RALGPS1: variants seen among roughly 807,000 people sequenced by gnomAD.
The protein encoded by RALGPS1 is ras-specific guanine nucleotide-releasing factor RalGPS1.
RALGPS1 carries 19 observed loss-of-function variants against 78.8 expected under a neutral mutation model. The observed-to-expected ratio is 0.24, with a 90% confidence interval of 0.17 to 0.35. The LOEUF (loss-of-function observed/expected upper bound fraction) is 0.35, where lower values mean the gene tolerates loss of function less well. RALGPS1 is among the 10% of genes least tolerant of loss of function. RALGPS1 has a pLI of 1.00. For missense variants in RALGPS1, 454 were observed against 688.3 expected (o/e 0.66, Z 3.81); for synonymous variants, 228 against 256.3 (o/e 0.89, Z 1.06).
At chr9:127,064,033 TA>T (rs2049455274) in intron 7 of RALGPS1, among the ~76,000 whole-genome samples, 1 of 152,208 alleles carries the variant, frequency 6.6e-6, no homozygotes, top group Admixed American at 6.5e-5. Flanking sequence ...CTGGAGTCCA[TA>T]ATTTGTTGAG....
intron 1 of RALGPS1, among the ~76,000 whole-genome samples, chr9:126,956,460 G>A (rs113135752): frequency 3.3e-5 from 5 of 152,256 alleles, no homozygotes; most frequent in African/African-American, 7.2e-5. Context: ...CATTTTTGTC[G>A]GGGGCGAGAC....
chr9:127,220,306 A>G lies in RALGPS1; in HGVS notation c.*1537A>G, dbSNP rs542107911. The G allele has an allele frequency of 6.6e-6, 1 of 152,322 alleles. No homozygotes were observed. Among genetic ancestry groups the G allele is most frequent in the South Asian group, 2.1e-4 (1 of 4,820 alleles). 9.4% of individuals were successfully genotyped at this position (152,322 alleles called of 1,614,324 possible). A position where few individuals can be genotyped will look rare whatever the true frequency, so the allele number is the denominator to read the frequency against. ...GTTTCAGAACAACATCTACACCAGT[A>G]AAGTGTAATAGGTCAGTTTCAAAAC... On this transcript the variant is annotated 3_prime_UTR_variant, in exon 19 of 19. Coordinates refer to ENST00000259351, the MANE Select transcript of RALGPS1 (RefSeq NM_014636.3).
chr9:127,047,003 CTG>C (rs1429425083), intron 5 of RALGPS1, among the ~76,000 whole-genome samples: 2 of 125,432 alleles, frequency 1.6e-5, no homozygotes, highest in African/African-American at 5.5e-5. Context: ...AAAAAAAAAA[CTG>C]ATAGTAACTG....
intron 8 of RALGPS1, chr9:127,108,886 A>G: frequency 1.2e-6 from 1 of 801,468 alleles, no homozygotes; most frequent in Non-Finnish European, 1.9e-6. Flanking sequence ...CTTTCCAAAA[A>G]CTCTGCTTCA....
intron 3 of RALGPS1, among the ~76,000 whole-genome samples, chr9:126,967,470 ATTATCT>A (rs756631306): frequency 1.2e-4 from 19 of 152,044 alleles, no homozygotes; most frequent in Non-Finnish European, 1.8e-4. Context: ...TCTTTCCATC[ATTATCT>A]TTCTCCTTAC....
intron 9 of RALGPS1, among the ~76,000 whole-genome samples, chr9:127,166,790 G>T (rs1013784963): frequency 4.6e-5 from 7 of 152,228 alleles, no homozygotes; most frequent in African/African-American, 1.7e-4. Flanking sequence ...ACACTCTGCT[G>T]CACGTGGCCA....
In RALGPS1 at chr9:127,168,872, G is replaced by A; in HGVS notation, c.842+100G>A. The A allele has an allele frequency of 6.6e-6, 6 of 902,798 alleles. No individual in the cohort carries two copies. The Admixed American group carries it at 9.3e-5, about 14-fold the overall frequency. 55.9% of individuals were successfully genotyped at this position (902,798 alleles called of 1,614,324 possible). On this transcript the variant is annotated intron_variant, in intron 10 of 18. Transcript: ENST00000259351. ...GCCTAGCCCTTGTTGGGACCAGTGA[G>A]TAGCCACCTGCAGGGCTTATCAGAG...
intron 3 of RALGPS1, among the ~76,000 whole-genome samples, chr9:126,970,766 AAAACTAATTTTGCAT>A (rs2040031613): frequency 6.6e-6 from 1 of 152,242 alleles, no homozygotes; most frequent in Non-Finnish European, 1.5e-5. Context: ...AAAGCTCAGG[AAAACTAATTTTGCAT>A]AAACATAAGC....
intron 6 of RALGPS1, 87 bp downstream of exon 6, chr9:127,050,219 A>G: frequency 8.7e-7 from 1 of 1,148,222 alleles, no homozygotes; most frequent in Non-Finnish European, 1.3e-6. Context: ...GTACTTTGGG[A>G]GCTGCTTTGC....
chr9:126,972,764 G>T (rs1455216688), intron 3 of RALGPS1, among the ~76,000 whole-genome samples: 1 of 152,148 alleles, frequency 6.6e-6, no homozygotes, highest in African/African-American at 2.4e-5. Flanking sequence ...GATTAAAAGA[G>T]ATTTTAAAAG....
In RALGPS1 at chr9:127,091,715, C is replaced by T. The variant is rs770930840; in HGVS notation, c.610+22359C>T. ...CTGTCCAGGGTGGTGAACTGCTTGC[C>T]GTTGTGCCATGTAAAGGAGTCACCC... On this transcript the variant is annotated intron_variant, in intron 8 of 18. Coordinates refer to ENST00000259351, the MANE Select transcript of RALGPS1 (RefSeq NM_014636.3). The surrounding 1 kb of genome is among the most constrained non-coding windows in gnomAD (Gnocchi z 4.3). 2.7e-5 allele frequency: 44 copies of T among 1,613,976 alleles called. No homozygotes were observed. Among genetic ancestry groups the T allele is most frequent in the Non-Finnish European group, 3.2e-5 (38 of 1,180,002 alleles).
In RALGPS1 at chr9:127,212,007, C is replaced by T. The variant is rs557368305; in HGVS notation, c.1248-124C>T. 3.6e-5 allele frequency: 26 copies of T among 728,010 alleles called. No individual in the cohort carries two copies. The highest frequency in any genetic ancestry group is 3.2e-4 in the Middle Eastern group (1 of 3,110). The allele number at this position is 728,010 out of a possible 1,614,324, so 45.1% of individuals were successfully genotyped here. A position where few individuals can be genotyped will look rare whatever the true frequency, so the allele number is the denominator to read the frequency against. ...CTCCCCTCCGGGCCTTGCTCTGCGC[C>T]GTTAAGTCTGGACTGCTGGGATGTC... On this transcript the variant is annotated intron_variant, in intron 14 of 18. Transcript: ENST00000259351. This position sits in a 1 kb window ranked among gnomAD's most constrained non-coding sequence, Gnocchi z 6.0.
intron 3 of RALGPS1, among the ~76,000 whole-genome samples, chr9:126,969,603 G>A (rs1239155269): frequency 6.6e-6 from 1 of 152,166 alleles, no homozygotes; most frequent in Non-Finnish European, 1.5e-5. Flanking sequence ...ATTTATGTAT[G>A]TTTACTTGTA....
At chr9:127,168,172 G>C (rs1265822519) in intron 9 of RALGPS1, among the ~76,000 whole-genome samples, 1 of 152,234 alleles carries the variant, frequency 6.6e-6, no homozygotes, top group Non-Finnish European at 1.5e-5. Flanking sequence ...CTAGGGTGCA[G>C]CAGCTCCAGT....
At chr9:127,108,888 T>A in intron 8 of RALGPS1, 1 of 797,086 alleles carries the variant, frequency 1.3e-6, no homozygotes, top group Non-Finnish European at 1.9e-6. Context: ...TTCCAAAAAC[T>A]CTGCTTCAGG....
intron 4 of RALGPS1, among the ~76,000 whole-genome samples, chr9:126,994,182 ATGACTT>A (rs2042525398): frequency 6.6e-6 from 1 of 152,350 alleles, no homozygotes; most frequent in Non-Finnish European, 1.5e-5. Context: ...TGGATGGAGA[ATGACTT>A]TGAGAGTTGA....
At chr9:127,039,489 G>A (rs1307308030) in intron 5 of RALGPS1, among the ~76,000 whole-genome samples, 1 of 152,136 alleles carries the variant, frequency 6.6e-6, no homozygotes, top group African/African-American at 2.4e-5. Context: ...GGGAGTGGCT[G>A]GAGAGTGGAG....
chr9:127,071,015 A>G (rs2050148338), intron 8 of RALGPS1, among the ~76,000 whole-genome samples: 1 of 142,882 alleles, frequency 7.0e-6, no homozygotes, highest in African/African-American at 2.5e-5. Flanking sequence ...ATTCTCTTAT[A>G]AATTTGAATC....
At chr9:127,144,479 G>A (rs1432016724) in intron 8 of RALGPS1, among the ~76,000 whole-genome samples, 2 of 152,168 alleles carry the variant, frequency 1.3e-5, no homozygotes, top group Non-Finnish European at 1.5e-5. Flanking sequence ...ATCATGTAGT[G>A]TGACCCAGCA....
Sources: allele counts gnomAD v4.1 joint callset (sites outside exome capture counted in the v4.1 genomes callset), GRCh38; gene constraint gnomAD v4.1.1; non-coding constraint Gnocchi (gnomAD v3.1); transcripts MANE v1.5; gene names NCBI Gene and HGNC (gene_info 2026-07-23, HGNC 2026-07-21).